The following MRTFB variants were observed in gnomAD, a reference collection of about 807,000 sequenced individuals.
MRTFB encodes the protein myocardin-related transcription factor B.
A neutral mutation model predicts 104.2 loss-of-function variants in MRTFB; 29 were observed. That is an observed-to-expected ratio of 0.28 (90% CI 0.21 to 0.38). The LOEUF (loss-of-function observed/expected upper bound fraction) is 0.38, where lower values mean the gene tolerates loss of function less well. MRTFB is among the 10% of genes least tolerant of loss of function. The pLI, the probability that MRTFB is intolerant of heterozygous loss-of-function variation, is 1.00. For missense variants in MRTFB, 1,270 were observed against 1,341.6 expected, an observed-to-expected ratio of 0.95 and a Z score of 0.83; for synonymous variants, 535 against 519.5, an observed-to-expected ratio of 1.03 and a Z score of -0.41.
Position 14,247,400 on chromosome 16 carries a change from C to A in MRTFB, c.2140C>A (p.Pro714Thr). Residue 714 changes from proline to threonine, a missense_variant, in exon 12 of 17, where the codon CCC (proline) becomes ACC (threonine). Physicochemically the swap from Pro to Thr is conservative, Grantham distance 38. Around this residue, in one of 3 missense-constraint regions of MRTFB, gnomAD observed 1,144 missense variants for 1,131.5 expected, o/e 1.01. Transcript: ENST00000571589. Reference protein sequence around the residue: ...GQPPPAVVAQPQALLTTQTAQ... With the variant: ...GQPPPAVVAQTQALLTTQTAQ... Reference sequence around the variant, plus strand: ...GCCACCGCCTGCTGTTGTTGCTCAGCCCCAGGCTTTACTGACCACGCAGAC... The same window carrying A: ...GCCACCGCCTGCTGTTGTTGCTCAGACCCAGGCTTTACTGACCACGCAGAC... 6.2e-7 allele frequency: 1 copy of A among 1,613,358 alleles called. No homozygotes were observed. The highest frequency in any genetic ancestry group is 1.1e-5 in the South Asian group (1 of 91,074).
At chr16:14,168,498 G>A (rs2039322484) in intron 3 of MRTFB, among the ~76,000 whole-genome samples, 1 of 152,194 alleles carries the variant, frequency 6.6e-6, no homozygotes, top group East Asian at 1.9e-4. Context: ...ATCATGCAAT[G>A]CATGCTCCTG....
the MRTFB span, among the ~76,000 whole-genome samples, chr16:13,999,821 A>T: frequency 6.6e-6 from 1 of 152,184 alleles, no homozygotes; most frequent in Non-Finnish European, 1.5e-5. Flanking sequence ...ATATAAGCCA[A>T]TGTAAGTGGG....
intron 3 of MRTFB, among the ~76,000 whole-genome samples, chr16:14,153,796 G>A (rs1266143229): frequency 1.3e-5 from 2 of 152,106 alleles, no homozygotes; most frequent in Admixed American, 6.6e-5. Context: ...TTATATAAAT[G>A]TCAATTAGGT....
intron 3 of MRTFB, among the ~76,000 whole-genome samples, chr16:14,159,929 C>CAAAAAAAAAAAAAAAAA (rs552159164): frequency 1.6e-4 from 9 of 55,626 alleles, no homozygotes; most frequent in African/African-American, 4.7e-4. Context: ...GACTCCGTCT[C>CAAAAAAAAAAAAAAAAA]AAAAAAAAAA....
chr16:14,043,423 G>A, the MRTFB span, among the ~76,000 whole-genome samples: 25 of 152,140 alleles, frequency 1.6e-4, no homozygotes, highest in Non-Finnish European at 2.8e-4. Context: ...ATTTCTCCTC[G>A]GGTGGTCTCG....
the MRTFB span, among the ~76,000 whole-genome samples, chr16:14,000,236 C>T: frequency 2.6e-5 from 4 of 152,390 alleles, no homozygotes; most frequent in South Asian, 8.3e-4. Flanking sequence ...GCTTCGGGGA[C>T]AGAAGGGTTC....
At chr16:14,075,032 A>G (rs1158424725) in intron 1 of MRTFB, among the ~76,000 whole-genome samples, 1 of 152,226 alleles carries the variant, frequency 6.6e-6, no homozygotes, top group Non-Finnish European at 1.5e-5. Flanking sequence ...GTTTGTTTCC[A>G]TTCTGGAAGA....
chr16:13,999,791 C>A, the MRTFB span, among the ~76,000 whole-genome samples: 1 of 152,132 alleles, frequency 6.6e-6, no homozygotes, highest in Non-Finnish European at 1.5e-5. Flanking sequence ...GTGGCCTCCA[C>A]CAGTTAAATG....
the MRTFB span, among the ~76,000 whole-genome samples, chr16:14,046,879 C>A: frequency 6.6e-6 from 1 of 152,302 alleles, no homozygotes; most frequent in African/African-American, 2.4e-5. Flanking sequence ...CCAGGCACTG[C>A]TCTAAGTGCT....
rs752845641 is a variant in MRTFB, at chr16:14,220,077, G to A, written c.693+1079G>A. Among the ~76,000 whole-genome samples, 30 of 152,156 alleles carry A rather than the reference G, an allele frequency of 2.0e-4. 1 individual carries two copies. The highest frequency in any genetic ancestry group is 3.7e-4 in the Non-Finnish European group (25 of 68,028). On this transcript the variant is annotated intron_variant, in intron 8 of 16. Coordinates refer to ENST00000571589, the MANE Select transcript of MRTFB (RefSeq NM_001308142.2). Reference sequence around the variant, plus strand: ...TGGTAGTGTGGATGGCTACAGTTCCGATTGTCCTCTCCAAGTTCACAGGGC... The same window carrying A: ...TGGTAGTGTGGATGGCTACAGTTCCAATTGTCCTCTCCAAGTTCACAGGGC...
At chr16:14,166,222 T>TTTTC (rs1363660341) in intron 3 of MRTFB, among the ~76,000 whole-genome samples, 59 of 145,916 alleles carry the variant, frequency 4.0e-4, no homozygotes, top group African/African-American at 1.4e-3. Context: ...CTTTTCTTTT[T>TTTTC]TTTTTTTTTT....
intron 11 of MRTFB, 33 bp downstream of exon 11, chr16:14,245,693 A>C (rs1402395605): frequency 1.3e-6 from 2 of 1,592,474 alleles, no homozygotes; most frequent in Non-Finnish European, 1.7e-6. Context: ...ATTCACCCCT[A>C]AGTACCACAA....
chr16:14,247,170 C>T lies in MRTFB; in HGVS notation c.1910C>T (p.Ser637Phe), dbSNP rs1567215238. ...CAGAAGCACGGCAGCCTTGGCTCCT[C>T]CATCAAAGATGAGGCCTCACTCCCT... is the stretch of plus-strand genomic sequence containing the variant. ...SDQKHGSLGS[S>F]IKDEASLPDC... The change falls in exon 12 of 17, where the codon TCC becomes TTC. Residue 637 changes from serine to phenylalanine, a missense_variant. Around this residue, in one of 3 missense-constraint regions of MRTFB, gnomAD observed 1,144 missense variants for 1,131.5 expected, o/e 1.01. Transcript: ENST00000571589. The T allele has an allele frequency of 7.4e-6, 12 of 1,614,130 alleles. No homozygotes were observed. Among genetic ancestry groups the T allele is most frequent in the Non-Finnish European group, 1.0e-5 (12 of 1,180,016 alleles).
At chr16:14,010,084 A>G in the MRTFB span, among the ~76,000 whole-genome samples, 1 of 152,166 alleles carries the variant, frequency 6.6e-6, no homozygotes, top group Non-Finnish European at 1.5e-5. Context: ...GGGAGAAGGT[A>G]GAACAGCAAA....
At chr16:14,037,725 T>G in the MRTFB span, among the ~76,000 whole-genome samples, 1 of 152,110 alleles carries the variant, frequency 6.6e-6, no homozygotes, top group Non-Finnish European at 1.5e-5. Flanking sequence ...AAACCTTAAG[T>G]GCATGAGGCA....
intron 8 of MRTFB, among the ~76,000 whole-genome samples, chr16:14,224,913 G>T (rs78415712): frequency 6.6e-6 from 1 of 152,312 alleles, no homozygotes; most frequent in East Asian, 1.9e-4. Flanking sequence ...GGCTGGGCAC[G>T]GTGGCTTACA....
chr16:14,230,805 A>C (rs2042224066), intron 8 of MRTFB, among the ~76,000 whole-genome samples: 1 of 152,022 alleles, frequency 6.6e-6, no homozygotes, highest in South Asian at 2.1e-4. Context: ...AGGACTATAA[A>C]TCATGCTGCT....
At chr16:14,040,464 A>T in the MRTFB span, among the ~76,000 whole-genome samples, 2 of 115,170 alleles carry the variant, frequency 1.7e-5, no homozygotes, top group Non-Finnish European at 3.7e-5. Context: ...ATATTACTAA[A>T]TCTTTTTTTT....
chr16:14,245,338 G>A lies in MRTFB; in HGVS notation c.1080-190G>A, dbSNP rs554795281. Among the ~76,000 whole-genome samples, 207 of 152,170 alleles carry A rather than the reference G, an allele frequency of 1.4e-3. 1 individual carries two copies. Among genetic ancestry groups the A allele is most frequent in the Admixed American group, 1.4e-3 (22 of 15,276 alleles). Reference sequence around the variant, plus strand: ...GAATCGCCTTCTAAATTTCCGTCACGCTAGCAAACAAACAAAACCTGCAGG... The same window carrying A: ...GAATCGCCTTCTAAATTTCCGTCACACTAGCAAACAAACAAAACCTGCAGG... On this transcript the variant is annotated intron_variant, in intron 10 of 16. Transcript: ENST00000571589.
Sources: allele counts gnomAD v4.1 joint callset (sites outside exome capture counted in the v4.1 genomes callset), GRCh38; gene constraint gnomAD v4.1.1; regional missense constraint gnomAD v4.1.1; transcripts MANE v1.5; gene names NCBI Gene and HGNC (gene_info 2026-07-23, HGNC 2026-07-21).